The following LPO variants were observed in gnomAD, a reference collection of about 807,000 sequenced individuals.
The protein encoded by LPO is lactoperoxidase, also known as salivary peroxidase.
Under a neutral mutation model 68.4 loss-of-function variants are expected in LPO, and 70 were observed. That is an observed-to-expected ratio of 1.02 (90% CI 0.84 to 1.25). LPO has a LOEUF of 1.25. LPO is among the 50% of genes most tolerant of loss of function. The pLI, the probability that LPO is intolerant of heterozygous loss-of-function variation, is 0.00. For missense variants in LPO, 873 were observed against 908.4 expected (o/e 0.96, Z 0.50); for synonymous variants, 360 against 357.6 (o/e 1.01, Z -0.08).
chr17:58,259,293 T>C (rs142314209), intron 9 of LPO, among the ~76,000 whole-genome samples: 3 of 152,214 alleles, frequency 2.0e-5, no homozygotes, highest in Non-Finnish European at 4.4e-5. Flanking sequence ...GATGCTTTTT[T>C]AAATTTTTTC....
chr17:58,262,515 G>A (rs912200618), intron 9 of LPO, among the ~76,000 whole-genome samples: 30 of 152,050 alleles, frequency 2.0e-4, no homozygotes, highest in African/African-American at 2.9e-4. Flanking sequence ...TCAGCCTCCC[G>A]AGTAGCTGGG....
chr17:58,244,988 C>T (rs1439193158), intron 3 of LPO, among the ~76,000 whole-genome samples: 1 of 152,258 alleles, frequency 6.6e-6, no homozygotes, highest in Non-Finnish European at 1.5e-5. Flanking sequence ...TTTCCTCTCG[C>T]TGTCCCTTTA....
intron 8 of LPO, among the ~76,000 whole-genome samples, chr17:58,253,730 T>C (rs562587639): frequency 2.0e-5 from 3 of 152,352 alleles, no homozygotes; most frequent in African/African-American, 4.8e-5. Context: ...TGTGTTCACA[T>C]ATATCCCACA....
chr17:58,241,125 C>CTTTTTTTTTTTTTT (rs1161572564), intron 1 of LPO, among the ~76,000 whole-genome samples: 9 of 91,308 alleles, frequency 9.9e-5, no homozygotes, highest in East Asian at 2.8e-4. Flanking sequence ...TTTCTTTTTT[C>CTTTTTTTTTTTTTT]TTTTTTTTTT....
intron 1 of LPO, among the ~76,000 whole-genome samples, chr17:58,242,228 A>T (rs1969772110): frequency 6.6e-6 from 1 of 152,250 alleles, no homozygotes; most frequent in South Asian, 2.1e-4. Context: ...CACAAATTTC[A>T]GTCTAAAGAT....
At chr17:58,265,182 A>G (rs989445988) in intron 10 of LPO, among the ~76,000 whole-genome samples, 1 of 152,210 alleles carries the variant, frequency 6.6e-6, no homozygotes, top group Non-Finnish European at 1.5e-5. Context: ...TAAATGAGAT[A>G]TACATGTGGA....
intron 7 of LPO, chr17:58,251,726 T>C: frequency 2.7e-6 from 1 of 371,330 alleles, no homozygotes; most frequent in Non-Finnish European, 5.3e-6. Flanking sequence ...CCCAGTTTTC[T>C]CATCTATAAA....
chr17:58,250,640 G>A lies in LPO; in HGVS notation c.780+19G>A. ...CATCATGGTACGGCCCTGCAGCTAGGCATCTCTGACTAGCCCCTTGCCCAC... is the reference window on the plus strand; with the variant it reads ...CATCATGGTACGGCCCTGCAGCTAGACATCTCTGACTAGCCCCTTGCCCAC... On this transcript the variant is annotated intron_variant, in intron 7 of 12. Coordinates refer to ENST00000262290, the MANE Select transcript of LPO (RefSeq NM_006151.3). 6.2e-7 allele frequency: 1 copy of A among 1,610,152 alleles called. No homozygotes were observed. Among genetic ancestry groups the A allele is most frequent in the Non-Finnish European group, 8.5e-7 (1 of 1,177,010 alleles).
chr17:58,247,147 C>G (rs562970998), intron 3 of LPO, among the ~76,000 whole-genome samples: 2 of 152,292 alleles, frequency 1.3e-5, no homozygotes, highest in East Asian at 3.9e-4. Context: ...CTGTCCAGCT[C>G]TAAGCCCACT....
At chr17:58,244,813 G>A (rs1969824242) in intron 3 of LPO, among the ~76,000 whole-genome samples, 2 of 152,208 alleles carry the variant, frequency 1.3e-5, no homozygotes, top group African/African-American at 4.8e-5. Context: ...GAGTGAGCCT[G>A]TAGCAGATGC....
rs142966963 is a variant in LPO, at chr17:58,252,356, C to T, written c.955C>T (p.Arg319Cys). The T allele has an allele frequency of 3.7e-5, 59 of 1,614,100 alleles. No homozygotes were observed. The highest frequency in any genetic ancestry group is 6.6e-5 in the South Asian group (6 of 91,084). Residue 319 changes from arginine (R) to cysteine (C), a missense_variant, in exon 8 of 13, where the codon CGC (arginine) becomes TGC (cysteine). Transcript: ENST00000262290. ...VYSSEPSLAS[R>C]LRNLSSPLGL... ...CAGCTCCGAGCCAAGCCTGGCCAGC[C>T]GCCTCCGCAACCTCAGCAGCCCCCT...
At chr17:58,265,735 C>T (rs1264502458) in intron 10 of LPO, among the ~76,000 whole-genome samples, 9 of 151,788 alleles carry the variant, frequency 5.9e-5, no homozygotes, top group Non-Finnish European at 1.0e-4. Flanking sequence ...GGCACACACC[C>T]CCATACCTGG....
intron 2 of LPO, 91 bp from the exon 3 acceptor site, chr17:58,243,903 A>C: frequency 2.6e-5 from 21 of 805,522 alleles, no homozygotes; most frequent in Non-Finnish European, 4.4e-5. Flanking sequence ...GGGTGGGGGT[A>C]ATGGCCGAGA....
chr17:58,244,079 C>G lies in LPO; in HGVS notation c.162C>G (p.Thr54=), dbSNP rs961152788. 1.9e-6 allele frequency: 3 copies of G among 1,574,000 alleles called. No individual in the cohort carries two copies. Among genetic ancestry groups the G allele is most frequent in the Non-Finnish European group, 8.7e-7 (1 of 1,150,998 alleles). ...QVNKAFLDSR[T]RLKTAMSSET... ...ACAAGGCCTTCCTGGACTCCCGAAC[C>G]AGGTACGTGAGACACACACACACAC... Residue 54 remains threonine, a splice_region_variant and synonymous_variant, in exon 3 of 13, where the codon ACC becomes ACG. Coordinates refer to ENST00000262290, the MANE Select transcript of LPO (RefSeq NM_006151.3).
Position 58,250,540 on chromosome 17 carries a change from C to T in LPO, c.699C>T (p.Asp233=). 1.2e-6 allele frequency: 2 copies of T among 1,614,152 alleles called. No individual in the cohort carries two copies. Among genetic ancestry groups the T allele is most frequent in the Non-Finnish European group, 1.7e-6 (2 of 1,180,034 alleles). ...IVDHDLDFAP[D]TELGSSEYSK... Reference sequence around the variant, plus strand: ...ATCATGACCTGGACTTTGCCCCTGACACCGAGCTGGGGAGTAGCGAGTACT... The same window carrying T: ...ATCATGACCTGGACTTTGCCCCTGATACCGAGCTGGGGAGTAGCGAGTACT... Residue 233 remains aspartate, a synonymous_variant, in exon 7 of 13, where the codon GAC becomes GAT. Coordinates refer to ENST00000262290, the MANE Select transcript of LPO (RefSeq NM_006151.3).
At chr17:58,258,478 T>C (rs1442819964) in intron 9 of LPO, among the ~76,000 whole-genome samples, 2 of 152,344 alleles carry the variant, frequency 1.3e-5, no homozygotes, top group South Asian at 2.1e-4. Flanking sequence ...TTCTGGGTTC[T>C]CTATTCTGTT....
chr17:58,249,791 G>A (rs929949227), intron 6 of LPO, 96 bp downstream of exon 6: 10 of 1,419,554 alleles, frequency 7.0e-6, no homozygotes, highest in African/African-American at 2.9e-5. Flanking sequence ...GGATCGGTGG[G>A]GGCAGCAGGG....
chr17:58,249,503 T>C, intron 5 of LPO, 63 bp from the exon 6 acceptor site: 1 of 1,574,832 alleles, frequency 6.3e-7, no homozygotes, highest in Non-Finnish European at 8.6e-7. Flanking sequence ...CCCCATGGGG[T>C]CCTGGGCTTT....
intron 8 of LPO, among the ~76,000 whole-genome samples, chr17:58,253,563 G>C (rs947241302): frequency 2.4e-4 from 37 of 152,162 alleles, no homozygotes; most frequent in African/African-American, 8.4e-4. Context: ...TGCTAATTCT[G>C]TTCATTCCAG....
Sources: allele counts gnomAD v4.1 joint callset (sites outside exome capture counted in the v4.1 genomes callset), GRCh38; gene constraint gnomAD v4.1.1; transcripts MANE v1.5; gene names NCBI Gene and HGNC (gene_info 2026-07-23, HGNC 2026-07-21).